SYNDIG1L: variants seen among roughly 807,000 people sequenced by gnomAD.
SYNDIG1L encodes the protein synapse differentiation inducing 1 like, also known as synapse differentiation-inducing gene protein 1-like.
Under a neutral mutation model 20.1 loss-of-function variants are expected in SYNDIG1L, and 13 were observed. The ratio of observed to expected loss-of-function variants is 0.65; its 90% CI spans 0.42 to 1.03. The LOEUF is 1.03. Ranked by LOEUF, SYNDIG1L falls within the 50% of genes least tolerant of loss-of-function variation. SYNDIG1L has a pLI of 0.00. For missense variants in SYNDIG1L, 294 were observed against 305.1 expected (o/e 0.96, Z 0.27); for synonymous variants, 128 against 129.3 (o/e 0.99, Z 0.07).
chr14:74,459,295 C>T, the SYNDIG1L span, among the ~76,000 whole-genome samples: 5 of 152,112 alleles, frequency 3.3e-5, no homozygotes, highest in South Asian at 4.1e-4. Flanking sequence ...GCGGGCAGAT[C>T]GCTTGAGCCC....
the SYNDIG1L span, among the ~76,000 whole-genome samples, chr14:74,449,963 G>T: frequency 2.0e-5 from 3 of 152,040 alleles, no homozygotes; most frequent in Admixed American, 2.0e-4. Context: ...TCACAAAAAT[G>T]ATAAATCTCT....
the SYNDIG1L span, among the ~76,000 whole-genome samples, chr14:74,452,303 G>C: frequency 6.6e-6 from 1 of 152,136 alleles, no homozygotes; most frequent in African/African-American, 2.4e-5. Flanking sequence ...GATATGGTTT[G>C]GCTGTGTCCC....
rs1227390789 is a variant in SYNDIG1L, at chr14:74,406,395, A to C, written c.*1140T>G. 1.9e-5 allele frequency: 5 copies of C among 268,292 alleles called. No homozygotes were observed. Among genetic ancestry groups the C allele is most frequent in the Non-Finnish European group, 3.5e-5 (5 of 143,492 alleles). The allele number at this position is 268,292 out of a possible 1,614,324, so 16.6% of individuals were successfully genotyped here. Reference sequence around the variant, plus strand: ...CTCCAGCCCAGATGTTCCAGGCAGAATCCAAACAGCCTGGAAGCTTCCCAT... The same window carrying C: ...CTCCAGCCCAGATGTTCCAGGCAGACTCCAAACAGCCTGGAAGCTTCCCAT... On this transcript the variant is annotated 3_prime_UTR_variant, in exon 4 of 4. Transcript: ENST00000331628.
At chr14:74,461,081 C>G in the SYNDIG1L span, among the ~76,000 whole-genome samples, 1 of 151,884 alleles carries the variant, frequency 6.6e-6, no homozygotes. Context: ...ATCTAGCATG[C>G]TGGGCACCAC....
chr14:74,412,863 G>T (rs1166086602), intron 1 of SYNDIG1L, among the ~76,000 whole-genome samples: 1 of 152,142 alleles, frequency 6.6e-6, no homozygotes, highest in Non-Finnish European at 1.5e-5. Context: ...TGGCCATAAT[G>T]TATGTCCCTT....
At chr14:74,438,964 A>G in the SYNDIG1L span, among the ~76,000 whole-genome samples, 9 of 152,298 alleles carry the variant, frequency 5.9e-5, no homozygotes, top group South Asian at 1.9e-3. Flanking sequence ...AATACAAAAA[A>G]TTAGTCAGGC....
the SYNDIG1L span, among the ~76,000 whole-genome samples, chr14:74,471,053 C>T: frequency 2.0e-5 from 3 of 152,212 alleles, no homozygotes; most frequent in African/African-American, 4.8e-5. Flanking sequence ...ACACAGATAA[C>T]AATGGAAACC....
chr14:74,448,631 C>T, the SYNDIG1L span, among the ~76,000 whole-genome samples: 6 of 152,028 alleles, frequency 3.9e-5, no homozygotes, highest in Non-Finnish European at 7.4e-5. Context: ...ATATTTTGGG[C>T]CATAAATCAA....
chr14:74,434,988 C>T, the SYNDIG1L span, among the ~76,000 whole-genome samples: 5 of 139,474 alleles, frequency 3.6e-5, no homozygotes, highest in African/African-American at 1.4e-4. Context: ...GAGGCGGAGG[C>T]AGGAGAATGG....
At chr14:74,459,159 G>A in the SYNDIG1L span, among the ~76,000 whole-genome samples, 1 of 152,080 alleles carries the variant, frequency 6.6e-6, no homozygotes, top group Non-Finnish European at 1.5e-5. Flanking sequence ...GGTAGGGAAA[G>A]TCCCTGGGTC....
intron 1 of SYNDIG1L, among the ~76,000 whole-genome samples, chr14:74,423,991 A>G (rs1020365160): frequency 6.6e-6 from 1 of 152,164 alleles, no homozygotes; most frequent in Non-Finnish European, 1.5e-5. Flanking sequence ...TCCCAGAGAA[A>G]TAAGAGAGGG....
At chr14:74,442,535 A>T in the SYNDIG1L span, among the ~76,000 whole-genome samples, 7 of 152,330 alleles carry the variant, frequency 4.6e-5, no homozygotes, top group African/African-American at 1.7e-4. Flanking sequence ...AGAGATAAAC[A>T]AGGTCTAGGC....
the SYNDIG1L span, among the ~76,000 whole-genome samples, chr14:74,456,760 G>T: frequency 1.3e-5 from 2 of 152,010 alleles, no homozygotes; most frequent in African/African-American, 4.8e-5. Flanking sequence ...CATCAGTTGG[G>T]GGCTGGACGT....
the SYNDIG1L span, among the ~76,000 whole-genome samples, chr14:74,464,014 A>G: frequency 1.3e-5 from 2 of 152,338 alleles, no homozygotes; most frequent in South Asian, 2.1e-4. Context: ...AGCTGGGCTC[A>G]GAGACCAATT....
the SYNDIG1L span, among the ~76,000 whole-genome samples, chr14:74,476,975 T>C: frequency 2.0e-5 from 3 of 151,136 alleles, no homozygotes; most frequent in Non-Finnish European, 4.4e-5. Flanking sequence ...GCAACATCTG[T>C]GGAGATCCAG....
chr14:74,420,485 C>T (rs1018217673), intron 1 of SYNDIG1L, among the ~76,000 whole-genome samples: 2 of 150,968 alleles, frequency 1.3e-5, no homozygotes, highest in South Asian at 2.1e-4. Context: ...ATCTAAGGAG[C>T]AATTAGGAGG....
the SYNDIG1L span, among the ~76,000 whole-genome samples, chr14:74,466,431 T>C: frequency 6.6e-6 from 1 of 152,082 alleles, no homozygotes; most frequent in African/African-American, 2.4e-5. Context: ...GGCCAATTGG[T>C]CCATTGACCA....
At chr14:74,416,571 C>T (rs921052383) in intron 1 of SYNDIG1L, among the ~76,000 whole-genome samples, 1 of 152,144 alleles carries the variant, frequency 6.6e-6, no homozygotes, top group Admixed American at 6.5e-5. Context: ...GAGGTCTAAG[C>T]TGCAGTGAGC....
At chr14:74,456,286 T>G in the SYNDIG1L span, among the ~76,000 whole-genome samples, 3 of 152,252 alleles carry the variant, frequency 2.0e-5, no homozygotes, top group South Asian at 6.2e-4. Context: ...TCCCAGCACT[T>G]TGGGAGGCCA....
Sources: allele counts gnomAD v4.1 joint callset (sites outside exome capture counted in the v4.1 genomes callset), GRCh38; gene constraint gnomAD v4.1.1; transcripts MANE v1.5; gene names NCBI Gene and HGNC (gene_info 2026-07-23, HGNC 2026-07-21).